Variants in ZNF630 observed in about 807,000 individuals in gnomAD.
ZNF630 encodes the protein dJ54B20.2 (novel KRAB box containing C2H2 type zinc finger protein).
Under a neutral mutation model 7.2 loss-of-function variants are expected in ZNF630, and 5 were observed. That is an observed-to-expected ratio of 0.70 (90% CI 0.36 to 1.46). ZNF630 has a LOEUF of 1.46. Ranked by LOEUF, ZNF630 falls within the 40% of genes most tolerant of loss-of-function variation. ZNF630 has a pLI of 0.03. For synonymous variants in ZNF630, 158 were observed against 162.8 expected, an observed-to-expected ratio of 0.97 and a Z score of 0.23; for missense variants, 461 against 477.0, an observed-to-expected ratio of 0.97 and a Z score of 0.31.
intron 2 of ZNF630, among the ~76,000 whole-genome samples, chrX:48,061,338 G>A (rs1203891079): frequency 1.8e-5 from 2 of 111,141 alleles, no homozygotes; most frequent in Non-Finnish European, 3.8e-5. Flanking sequence ...TTTGAGTGGA[G>A]AAGACTCTTC....
At chrX:48,063,980 G>C (rs1556909636) in intron 2 of ZNF630, among the ~76,000 whole-genome samples, 9 of 111,107 alleles carry the variant, frequency 8.1e-5, no homozygotes. Flanking sequence ...TGAGAATGTG[G>C]CCTACACAAA....
chrX:48,067,890 G>A (rs2059138009), intron 1 of ZNF630, among the ~76,000 whole-genome samples: 1 of 109,884 alleles, frequency 9.1e-6, no homozygotes, highest in Non-Finnish European at 1.9e-5. Context: ...GGCAAAATTC[G>A]CCTCTACTAA....
intron 2 of ZNF630, among the ~76,000 whole-genome samples, chrX:48,062,471 C>T (rs1472409527): frequency 6.2e-5 from 7 of 112,662 alleles, no homozygotes; most frequent in African/African-American, 9.7e-5. Flanking sequence ...TGGTGGCTCA[C>T]GCCTGTAATC....
Position 48,060,023 on chromosome X carries a change from G to A in ZNF630, c.419C>T (p.Thr140Ile). 1.7e-6 allele frequency: 2 copies of A among 1,207,653 alleles called. No homozygotes were observed. Among genetic ancestry groups the A allele is most frequent in the Non-Finnish European group, 2.2e-6 (2 of 892,822 alleles). The change falls in exon 5 of 5, where the codon ACA (threonine) becomes ATA (isoleucine). Residue 140 changes from threonine to isoleucine, a missense_variant. By Grantham distance (89) the Thr-to-Ile change is moderately conservative (BLOSUM62 -1). Coordinates refer to ENST00000276054, the MANE Select transcript of ZNF630 (RefSeq NM_001282201.2). ...GNQDRVLRQV[T>I]VISRETLTDE... ...AGTCAATGTTTCACGACTGATGACT[G>A]TGACCTGCCTCAAAACTCTGTCTTG... is the stretch of plus-strand genomic sequence containing the variant.
At chrX:48,064,872 T>C (rs781939121) in intron 2 of ZNF630, among the ~76,000 whole-genome samples, 2 of 112,041 alleles carry the variant, frequency 1.8e-5, no homozygotes, top group Non-Finnish European at 3.8e-5. Context: ...AAATAAAGTG[T>C]TATTGAATCA....
intron 1 of ZNF630, among the ~76,000 whole-genome samples, chrX:48,067,325 C>A (rs59420042): frequency 9.0e-6 from 1 of 111,596 alleles, no homozygotes; most frequent in Admixed American, 9.5e-5. Flanking sequence ...AAGTTTGAAC[C>A]CTGACTAGAT....
At chrX:48,068,811 T>C (rs1268291275) in intron 1 of ZNF630, among the ~76,000 whole-genome samples, 4 of 111,314 alleles carry the variant, frequency 3.6e-5, no homozygotes, top group Non-Finnish European at 3.8e-5. Flanking sequence ...AAAATTTCCA[T>C]AAGAAAGGTT....
Position 48,064,552 on chromosome X carries a change from T to C in ZNF630, c.15+2320A>G, listed in dbSNP as rs190617029. On this transcript the variant is annotated intron_variant, in intron 2 of 4. Transcript: ENST00000276054. ...GTCTTGATTCACTGCAACCTCCTCC[T>C]CCCGGGCTCAAGTGATTCTCCTACA... 2.4e-3 allele frequency among the ~76,000 whole-genome samples: 266 copies of C among 111,928 alleles called. 2 individuals carry two copies. Among genetic ancestry groups the C allele is most frequent in the African/African-American group, 8.1e-3 (250 of 30,727 alleles).
intron 1 of ZNF630, among the ~76,000 whole-genome samples, chrX:48,070,224 T>C (rs2059153933): frequency 9.1e-6 from 1 of 110,210 alleles, no homozygotes; most frequent in Non-Finnish European, 1.9e-5. Flanking sequence ...ATCTTCATAT[T>C]TAAAGCCATA....
At chrX:48,066,068 CAGTG>C (rs1309544345) in intron 2 of ZNF630, among the ~76,000 whole-genome samples, 1 of 111,123 alleles carries the variant, frequency 9.0e-6, no homozygotes, top group Non-Finnish European at 1.9e-5. Flanking sequence ...GGAATAGAAA[CAGTG>C]TGTGTATTTT....
At chrX:48,060,238 C>T (rs1556908953) in intron 4 of ZNF630, 35 bp from the exon 5 acceptor site, 2 of 3,058 alleles carry the variant, frequency 6.5e-4, no homozygotes, top group Middle Eastern at 0.1. Context: ...ATCAAATACA[C>T]ACACACACAC....
chrX:48,063,887 CA>C (rs781883844), intron 2 of ZNF630, among the ~76,000 whole-genome samples: 1 of 110,034 alleles, frequency 9.1e-6, no homozygotes, highest in African/African-American at 3.3e-5. Flanking sequence ...GACTTTGTCT[CA>C]AAAAAATATA....
intron 2 of ZNF630, among the ~76,000 whole-genome samples, chrX:48,064,775 T>C (rs1556909768): frequency 8.9e-6 from 1 of 112,238 alleles, no homozygotes. Context: ...GTCTGGTTTT[T>C]ACATTTTTAA....
rs782740714 is a variant in ZNF630, at chrX:48,058,672, C to T, written c.1770G>A (p.Gln590=). ...GGGTTTTCTCCCTAGGATGAGTTTT[C>T]TGATGTATAATGAGTGGAGACTTTC... is the stretch of plus-strand genomic sequence containing the variant. ...FCGKSPLIIH[Q]KTHPREKTPE... Residue 590 remains glutamine (Q), a synonymous_variant, in exon 5 of 5, where the codon CAG becomes CAA. Transcript: ENST00000276054. 8.3e-7 allele frequency: 1 copy of T among 1,207,084 alleles called. No homozygotes were observed. The highest frequency in any genetic ancestry group is 1.1e-6 in the Non-Finnish European group (1 of 892,604).
rs375984186 is a variant in ZNF630, at chrX:48,059,685, A to G, written c.757T>C (p.Tyr253His). 2 of 1,206,691 alleles carry G rather than the reference A, an allele frequency of 1.7e-6. No individual in the cohort carries two copies. Among genetic ancestry groups the G allele is most frequent in the African/African-American group, 3.5e-5 (2 of 56,691 alleles). Residue 253 changes from tyrosine (Y) to histidine (H), a missense_variant, in exon 5 of 5, where the codon TAT (tyrosine) becomes CAT (histidine). Physicochemically the swap from Tyr to His is moderately conservative, Grantham distance 83 (BLOSUM62 2). Coordinates refer to ENST00000276054, the MANE Select transcript of ZNF630 (RefSeq NM_001282201.2). ...TTCTCTCTGGCTTGAAATTTCTTATACTGAACATGGGCTTGCTTATGACTG... is the reference window on the plus strand; with the variant it reads ...TTCTCTCTGGCTTGAAATTTCTTATGCTGAACATGGGCTTGCTTATGACTG... Reference protein sequence around the residue: ...VLSHKQAHVQYKKFQAREKPN... With the variant: ...VLSHKQAHVQHKKFQAREKPN...
chrX:48,064,791 GA>G (rs1300214482), intron 2 of ZNF630, among the ~76,000 whole-genome samples: 4 of 110,953 alleles, frequency 3.6e-5, no homozygotes, highest in Admixed American at 1.9e-4. Flanking sequence ...TTTAATGATT[GA>G]AAAAAAAGTC....
intron 2 of ZNF630, chrX:48,066,652 T>A (rs1464619210): frequency 4.8e-6 from 2 of 416,533 alleles, no homozygotes; most frequent in Non-Finnish European, 8.5e-6. Context: ...TTGATCATGT[T>A]ATGTTACCCT....
At position 48,058,530 on chromosome X, in the gene ZNF630, G is replaced by A. The variant is rs782789319; in HGVS notation, c.1912C>T (p.Gln638Ter). ...TGATGCCCAGTAAAGTATACATGCT[G>A]GCAGAATGCCTTCCCACAGTCACTG... ...RCSDCGKAFCQHVYFTGHQNP... is the reference protein window; with the variant it reads ...RCSDCGKAFC The change falls in exon 5 of 5, where the codon CAG (glutamine) becomes TAG (stop). Residue 638 changes from glutamine to a stop codon, truncating the protein, a stop_gained. Coordinates refer to ENST00000276054, the MANE Select transcript of ZNF630 (RefSeq NM_001282201.2). LOFTEE classifies it low-confidence loss of function (END_TRUNC). 2.8e-5 allele frequency: 34 copies of A among 1,204,358 alleles called. No homozygotes were observed. The highest frequency in any genetic ancestry group is 3.6e-5 in the Non-Finnish European group (32 of 891,874).
chrX:48,063,938 T>C (rs931999608), intron 2 of ZNF630, among the ~76,000 whole-genome samples: 7 of 111,072 alleles, frequency 6.3e-5, no homozygotes, highest in African/African-American at 2.3e-4. Flanking sequence ...AATTTATAAG[T>C]CTGTGTGCCT....
Sources: gnomAD v4.1 joint callset for allele counts (sites outside exome capture counted in the v4.1 genomes callset) on GRCh38, gnomAD v4.1.1 for gene constraint, MANE v1.5 for transcripts, NCBI Gene and HGNC (gene_info 2026-07-23, HGNC 2026-07-21) for gene names.